The following NUP214 variants were observed in gnomAD, a reference collection of about 807,000 sequenced individuals.
NUP214 encodes the protein nuclear pore complex protein Nup214.
NUP214 carries 79 observed loss-of-function variants against 196.2 expected under a neutral mutation model. The ratio of observed to expected loss-of-function variants is 0.40; its 90% CI spans 0.34 to 0.49. The LOEUF (loss-of-function observed/expected upper bound fraction) is 0.49, where lower values mean the gene tolerates loss of function less well. NUP214 is among the 20% of genes least tolerant of loss of function. The pLI is 0.58. For missense variants in NUP214, 2,468 were observed against 2,539.0 expected, an observed-to-expected ratio of 0.97 and a Z score of 0.60; for synonymous variants, 1,020 against 990.5, an observed-to-expected ratio of 1.03 and a Z score of -0.56.
chr9:131,134,502 ATAATATTAACACTAG>A (rs981192090), intron 7 of NUP214, among the ~76,000 whole-genome samples: 1 of 152,116 alleles, frequency 6.6e-6, no homozygotes, highest in Admixed American at 6.5e-5. Context: ...ATTCTAGGGG[ATAATATTAACACTAG>A]TATTTATTAA....
chr9:131,228,129 A>T, intron 32 of NUP214, 31 bp from the exon 33 acceptor site: 15 of 1,515,260 alleles, frequency 9.9e-6, no homozygotes, highest in Non-Finnish European at 1.3e-5. Flanking sequence ...CTTTCTCCCT[A>T]TTTCTGTTTG....
At chr9:131,189,000 A>G in intron 25 of NUP214, 53 bp from the exon 26 acceptor site, 1 of 1,220,130 alleles carries the variant, frequency 8.2e-7, no homozygotes, top group Non-Finnish European at 1.2e-6. Flanking sequence ...TTTCTTTGTT[A>G]CAAAGAATGG....
chr9:131,208,575 T>C (rs944863187), intron 30 of NUP214, among the ~76,000 whole-genome samples: 2 of 152,120 alleles, frequency 1.3e-5, no homozygotes, highest in Non-Finnish European at 2.9e-5. Context: ...CGGGTGCCTG[T>C]AGTCCCAGCT....
rs761163117 is a variant in NUP214 at position 131,198,244 on chromosome 9, C to T, written c.4750C>T (p.Pro1584Ser). The T allele has an allele frequency of 2.5e-6, 4 of 1,614,222 alleles. No homozygotes were observed. The highest frequency in any genetic ancestry group is 1.6e-4 in the Middle Eastern group (1 of 6,062). ...VPDARTEAVPPASSFSVPGQT... is the reference protein window; with the variant it reads ...VPDARTEAVPSASSFSVPGQT... ...TGATGCCAGGACGGAGGCAGTACCA[C>T]CTGCTTCCTCCTTTTCTGTGCCTGG... is the stretch of plus-strand genomic sequence containing the variant. The change falls in exon 29 of 36, where the codon CCT becomes TCT. Residue 1584 changes from proline (P) to serine (S), a missense_variant. By Grantham distance (74) the Pro-to-Ser change is moderately conservative (BLOSUM62 -1). This residue lies in a region of NUP214 where 1,801 missense variants were observed against 1,779.4 expected (regional missense o/e 1.01). Transcript: ENST00000359428.
intron 32 of NUP214, among the ~76,000 whole-genome samples, chr9:131,223,731 T>TTTATTTATTTATTTATTTATTTA (rs1834640480): frequency 2.0e-4 from 1 of 5,048 alleles, no homozygotes; most frequent in Non-Finnish European, 1.1e-3. Context: ...TTATTTATTT[T>TTTATTTATTTATTTATTTATTTA]TTTTTTTTTT....
At chr9:131,145,215 T>C (rs1262019272) in intron 12 of NUP214, among the ~76,000 whole-genome samples, 8 of 152,118 alleles carry the variant, frequency 5.3e-5, no homozygotes, top group Non-Finnish European at 7.4e-5. Context: ...ACAGTCCCTA[T>C]GAAGCCCCGT....
At chr9:131,134,321 C>T (rs1038757055) in intron 7 of NUP214, among the ~76,000 whole-genome samples, 3 of 151,958 alleles carry the variant, frequency 2.0e-5, no homozygotes, top group Non-Finnish European at 4.4e-5. Context: ...AAAATAAAGC[C>T]GTGTTAGGGA....
At chr9:131,210,153 G>A (rs1834197211) in intron 30 of NUP214, among the ~76,000 whole-genome samples, 1 of 152,018 alleles carries the variant, frequency 6.6e-6, no homozygotes. Context: ...AACATACAGA[G>A]CAACCAAAAA....
rs1408446516 is a variant in NUP214 at position 131,129,418 on chromosome 9, A to C, written c.533A>C (p.Gln178Pro). ...CLADGSIAVLQVTETVKVCAT... is the reference protein window; with the variant it reads ...CLADGSIAVLPVTETVKVCAT... ...GCTGATGGTAGTATTGCTGTCCTGC[A>C]AGTCACGGAAACAGTGAAAGTATGT... Residue 178 changes from glutamine to proline, a missense_variant, in exon 4 of 36, where the codon CAA becomes CCA. Physicochemically the swap from Gln to Pro is moderately conservative, Grantham distance 76. This residue lies in a region of NUP214 where 392 missense variants were observed against 417.9 expected (regional missense o/e 0.94). Transcript: ENST00000359428. The C allele has an allele frequency of 6.2e-7, 1 of 1,614,106 alleles. No homozygotes were observed. Among genetic ancestry groups the C allele is most frequent in the Non-Finnish European group, 8.5e-7 (1 of 1,180,038 alleles).
At chr9:131,222,604 C>T (rs1197179602) in intron 31 of NUP214, 174 bp from the exon 32 acceptor site, 4 of 589,996 alleles carry the variant, frequency 6.8e-6, no homozygotes, top group South Asian at 3.4e-5. Context: ...CAGCAAGGTG[C>T]GTGAAAATCA....
In NUP214 at chr9:131,202,386, T is replaced by TACAC. The variant is rs139696944; in HGVS notation, c.5592+683_5592+686dup. On this transcript the variant is annotated intron_variant, in intron 30 of 35. Transcript: ENST00000359428. ...GTCTATATGTATACATATATGTGTG[T>TACAC]ACACACACACACACACATATATATA... 9.8e-3 allele frequency among the ~76,000 whole-genome samples: 1,482 copies of TACAC among 151,362 alleles called. 9 individuals carry two copies. The highest frequency in any genetic ancestry group is 0.017 in the Middle Eastern group (5 of 292).
intron 14 of NUP214, among the ~76,000 whole-genome samples, chr9:131,149,770 C>T (rs972072890): frequency 2.0e-5 from 3 of 152,126 alleles, no homozygotes; most frequent in African/African-American, 7.2e-5. Context: ...TGACCTACCC[C>T]GGCCTGCCTT....
At chr9:131,172,671 A>T (rs992929377) in intron 21 of NUP214, among the ~76,000 whole-genome samples, 2 of 152,202 alleles carry the variant, frequency 1.3e-5, no homozygotes, top group African/African-American at 4.8e-5. Context: ...TTTTTCATTA[A>T]TTTGCTTTTG....
At chr9:131,179,351 A>G (rs1268829394) in intron 24 of NUP214, among the ~76,000 whole-genome samples, 2 of 151,022 alleles carry the variant, frequency 1.3e-5, no homozygotes, top group Non-Finnish European at 3.0e-5. Context: ...CAGGGTGCTG[A>G]CTCCCTCCCG....
intron 30 of NUP214, among the ~76,000 whole-genome samples, chr9:131,213,788 TAAG>T (rs770124591): frequency 6.7e-5 from 3 of 45,046 alleles, no homozygotes; most frequent in Admixed American, 3.4e-4. Context: ...TTGTTGTTGT[TAAG>T]AAATTTAAAG....
Position 131,144,684 on chromosome 9 carries a change from G to A in NUP214, c.1699G>A (p.Ala567Thr), listed in dbSNP as rs370618329. Residue 567 changes from alanine to threonine, a missense_variant, in exon 12 of 36, where the codon GCT (alanine) becomes ACT (threonine). Coordinates refer to ENST00000359428, the MANE Select transcript of NUP214 (RefSeq NM_005085.4). ...AAGCACACCAGTGCCAAGTGTGTCT[G>A]CTCCAAATATAGCAATGAAGCCCTC... ...LESTPVPSVS[A>T]PNIAMKPSFP... is the part of the protein sequence containing the mutation. 6 of 1,613,970 alleles carry A rather than the reference G, an allele frequency of 3.7e-6. No homozygotes were observed. The highest frequency in any genetic ancestry group is 5.1e-6 in the Non-Finnish European group (6 of 1,179,992).
At chr9:131,208,928 G>A (rs190179671) in intron 30 of NUP214, among the ~76,000 whole-genome samples, 30 of 150,562 alleles carry the variant, frequency 2.0e-4, no homozygotes, top group African/African-American at 4.9e-4. Flanking sequence ...CAGGAGAATC[G>A]CTTGAACCCA....
chr9:131,166,731 T>C (rs1446311051), intron 21 of NUP214, among the ~76,000 whole-genome samples: 3 of 152,184 alleles, frequency 2.0e-5, no homozygotes, highest in Non-Finnish European at 4.4e-5. Context: ...CACGATTATA[T>C]GGGCTTATGT....
At chr9:131,218,830 T>C (rs1200464820) in intron 31 of NUP214, among the ~76,000 whole-genome samples, 1 of 152,116 alleles carries the variant, frequency 6.6e-6, no homozygotes, top group Non-Finnish European at 1.5e-5. Context: ...CCAAAGTACC[T>C]TTCTGACTGT....
Sources: gnomAD v4.1 joint callset for allele counts (sites outside exome capture counted in the v4.1 genomes callset) on GRCh38, gnomAD v4.1.1 for gene constraint, gnomAD v4.1.1 regional missense constraint, MANE v1.5 for transcripts, NCBI Gene and HGNC (gene_info 2026-07-23, HGNC 2026-07-21) for gene names.